ANKS1B: variants seen among roughly 807,000 people sequenced by gnomAD.
The protein encoded by ANKS1B is ankyrin repeat and sterile alpha motif domain containing 1B.
Under a neutral mutation model 148.3 loss-of-function variants are expected in ANKS1B, and 36 were observed. The observed-to-expected ratio is 0.24, with a 90% CI of 0.19 to 0.32. The LOEUF (loss-of-function observed/expected upper bound fraction) is 0.32. Among genes scored for constraint, ANKS1B ranks in the 10% least tolerant of loss-of-function variants. The pLI, the probability that ANKS1B is intolerant of heterozygous loss-of-function variation, is 1.00. For synonymous variants in ANKS1B, 542 were observed against 560.8 expected, an observed-to-expected ratio of 0.97 and a Z score of 0.47; for missense variants, 1,157 against 1,542.6, an observed-to-expected ratio of 0.75 and a Z score of 4.19.
intron 17 of ANKS1B, among the ~76,000 whole-genome samples, chr12:98,874,342 A>G (rs1332205968): frequency 6.6e-6 from 1 of 152,182 alleles, no homozygotes. Context: ...TGCTTTTCTG[A>G]TGGAATTACA....
At chr12:99,977,975 G>T (rs997911517) in intron 1 of ANKS1B, among the ~76,000 whole-genome samples, 1 of 152,150 alleles carries the variant, frequency 6.6e-6, no homozygotes, top group African/African-American at 2.4e-5. Flanking sequence ...TCCATAGGTT[G>T]AAATTAGTCT....
At chr12:99,896,107 A>G (rs1603444510) in intron 1 of ANKS1B, among the ~76,000 whole-genome samples, 1 of 151,374 alleles carries the variant, frequency 6.6e-6, no homozygotes, top group South Asian at 2.1e-4. Context: ...AGTACCTAAA[A>G]TCTACTCTCT....
At chr12:99,058,719 C>CTTTTTTTTTTTT (rs869064302) in intron 16 of ANKS1B, among the ~76,000 whole-genome samples, 1 of 80,668 alleles carries the variant, frequency 1.2e-5, no homozygotes. Flanking sequence ...TCTATCTATC[C>CTTTTTTTTTTTT]TTTTTTTTTT....
At chr12:98,951,994 T>C (rs954980196) in intron 17 of ANKS1B, among the ~76,000 whole-genome samples, 5 of 152,200 alleles carry the variant, frequency 3.3e-5, no homozygotes, top group Admixed American at 3.3e-4. Flanking sequence ...ATCTGGTGAA[T>C]GTATTTAAAA....
intron 17 of ANKS1B, among the ~76,000 whole-genome samples, chr12:98,842,706 T>C (rs188070853): frequency 1.4e-4 from 22 of 152,322 alleles, no homozygotes; most frequent in Admixed American, 3.9e-4. Flanking sequence ...ACCTCTGTTG[T>C]CTTGGAATAT....
At chr12:99,498,878 T>G (rs2096629403) in intron 10 of ANKS1B, among the ~76,000 whole-genome samples, 1 of 152,204 alleles carries the variant, frequency 6.6e-6, no homozygotes, top group African/African-American at 2.4e-5. Flanking sequence ...GGTCAGTAAC[T>G]TCCCTGAGTT....
intron 25 of ANKS1B, among the ~76,000 whole-genome samples, chr12:98,756,948 T>C (rs1358183058): frequency 6.6e-6 from 1 of 151,782 alleles, no homozygotes; most frequent in Non-Finnish European, 1.5e-5. Context: ...AGGCTGGTCT[T>C]GAACTCCTGT....
intron 17 of ANKS1B, among the ~76,000 whole-genome samples, chr12:99,023,463 T>TTCTTCCTCCTCCTCCTGC (rs879777752): frequency 7.2e-5 from 11 of 152,180 alleles, no homozygotes; most frequent in South Asian, 6.2e-4. Flanking sequence ...AAGGTTCTTC[T>TTCTTCCTCCTCCTCCTGC]TCTTCCTCCT....
intron 12 of ANKS1B, among the ~76,000 whole-genome samples, chr12:99,286,396 G>A (rs1037498821): frequency 5.9e-5 from 9 of 151,900 alleles, no homozygotes; most frequent in Non-Finnish European, 1.3e-4. Flanking sequence ...GAATGAACAT[G>A]AGCAATACCC....
At chr12:98,953,074 G>T (rs1238414822) in intron 17 of ANKS1B, among the ~76,000 whole-genome samples, 1 of 151,554 alleles carries the variant, frequency 6.6e-6, no homozygotes, top group Non-Finnish European at 1.5e-5. Context: ...AGGCTGGAGT[G>T]CAGTGCTGTG....
chr12:99,686,475 C>G (rs2098649992), intron 8 of ANKS1B, among the ~76,000 whole-genome samples: 1 of 152,186 alleles, frequency 6.6e-6, no homozygotes, highest in African/African-American at 2.4e-5. Flanking sequence ...GCAGAGCTCT[C>G]TGAACCTCTT....
rs201317728 is a variant in ANKS1B, at chr12:99,893,360, G to A, written c.135-67971C>T. 6.2e-4 allele frequency among the ~76,000 whole-genome samples: 93 copies of A among 148,972 alleles called. No individual in the cohort carries two copies. In the East Asian group the frequency reaches 0.016, roughly 26 times the overall value. ...CAGGAGGCAGAGCTTGCAGTGAGCC[G>A]AGATCGCGCCACTGCACTCCAGCCT... On this transcript the variant is annotated intron_variant, in intron 1 of 26. Transcript: ENST00000683438.
At chr12:99,252,656 G>T (rs1321352700) in intron 12 of ANKS1B, among the ~76,000 whole-genome samples, 1 of 152,198 alleles carries the variant, frequency 6.6e-6, no homozygotes, top group African/African-American at 2.4e-5. Flanking sequence ...ATGGAACCCA[G>T]AAATTGCCAT....
At chr12:98,789,246 G>T (rs1446917262) in intron 22 of ANKS1B, among the ~76,000 whole-genome samples, 1 of 152,092 alleles carries the variant, frequency 6.6e-6, no homozygotes, top group Non-Finnish European at 1.5e-5. Flanking sequence ...GGGAGGCTGA[G>T]GCAGGAGAAT....
chr12:99,773,072 T>C lies in ANKS1B; in HGVS notation c.978A>G (p.Gly326=), dbSNP rs1252601221. ...TTTCATCCAAGAGTTTTGATAATTC[T>C]CCAGTGACGGTTTCACCTATGAGAA... is the stretch of plus-strand genomic sequence containing the variant. ...SQKTKSETVT[G]ELSKLLDEIK... is the part of the protein sequence containing the mutation. Residue 326 remains glycine (G), a synonymous_variant, in exon 8 of 27, where the codon GGA becomes GGG. Coordinates refer to ENST00000683438, the MANE Select transcript of ANKS1B (RefSeq NM_001352186.2). 2 of 1,605,782 alleles carry C rather than the reference T, an allele frequency of 1.2e-6. No homozygotes were observed. Among genetic ancestry groups the C allele is most frequent in the Non-Finnish European group, 1.7e-6 (2 of 1,176,416 alleles).
intron 12 of ANKS1B, among the ~76,000 whole-genome samples, chr12:99,299,379 G>T (rs1222734006): frequency 6.6e-6 from 1 of 152,136 alleles, no homozygotes; most frequent in Non-Finnish European, 1.5e-5. Flanking sequence ...CTGAAGAGCA[G>T]GAAGGAGAGC....
chr12:99,951,007 C>T (rs1436057999), intron 1 of ANKS1B, among the ~76,000 whole-genome samples: 1 of 152,158 alleles, frequency 6.6e-6, no homozygotes, highest in African/African-American at 2.4e-5. Context: ...ATACTTTCAG[C>T]CGGATAGAGA....
intron 25 of ANKS1B, among the ~76,000 whole-genome samples, chr12:98,764,313 G>A (rs1019172420): frequency 1.3e-5 from 2 of 152,078 alleles, no homozygotes; most frequent in Admixed American, 6.6e-5. Flanking sequence ...TGCAACCTTC[G>A]CCTCCTGGGT....
intron 10 of ANKS1B, among the ~76,000 whole-genome samples, chr12:99,453,118 G>A (rs374743805): frequency 3.4e-4 from 51 of 152,066 alleles, no homozygotes; most frequent in South Asian, 2.1e-3. Flanking sequence ...GTGAAACCCC[G>A]TCTCTACTAA....
Sources: allele counts gnomAD v4.1 joint callset (sites outside exome capture counted in the v4.1 genomes callset), GRCh38; gene constraint gnomAD v4.1.1; transcripts MANE v1.5; gene names NCBI Gene and HGNC (gene_info 2026-07-23, HGNC 2026-07-21).